ZBTB38: variants seen among roughly 807,000 people sequenced by gnomAD.
ZBTB38 encodes zinc finger and BTB domain-containing protein 38.
A neutral mutation model predicts 76.8 loss-of-function variants in ZBTB38; 20 were observed. That is an observed-to-expected ratio of 0.26 (90% CI 0.18 to 0.38). ZBTB38 has a LOEUF of 0.38. ZBTB38 is among the 10% of genes least tolerant of loss of function. ZBTB38 has a pLI of 1.00. For missense variants in ZBTB38, 1,082 were observed against 1,482.3 expected, an observed-to-expected ratio of 0.73 and a Z score of 4.43; for synonymous variants, 504 against 544.2, an observed-to-expected ratio of 0.93 and a Z score of 1.03.
intron 5 of ZBTB38, among the ~76,000 whole-genome samples, chr3:141,417,832 T>C (rs1193252821): frequency 6.6e-6 from 1 of 151,958 alleles, no homozygotes; most frequent in Non-Finnish European, 1.5e-5. Context: ...CTGACCAACC[T>C]GGTGAAACCC....
chr3:141,384,838 T>G (rs1469618751), intron 3 of ZBTB38: 2 of 152,216 alleles, frequency 1.3e-5, no homozygotes, highest in East Asian at 1.9e-4. Context: ...GGGAGAGAGA[T>G]GTACTCCAAA....
chr3:141,409,806 C>T (rs1956030219), intron 5 of ZBTB38, among the ~76,000 whole-genome samples: 1 of 152,182 alleles, frequency 6.6e-6, no homozygotes, highest in Non-Finnish European at 1.5e-5. Context: ...GAGCCTATAC[C>T]AGTTGAAAGT....
At chr3:141,431,849 C>G (rs1162684589) in intron 5 of ZBTB38, 1 of 152,894 alleles carries the variant, frequency 6.5e-6, no homozygotes, top group African/African-American at 2.4e-5. Flanking sequence ...CTTCTTGAAT[C>G]TGATAGCTTA....
At chr3:141,348,052 G>T (rs942642725) in intron 1 of ZBTB38, among the ~76,000 whole-genome samples, 2 of 152,138 alleles carry the variant, frequency 1.3e-5, no homozygotes, top group African/African-American at 2.4e-5. Flanking sequence ...TACAGTTGTG[G>T]TTGCCAATCT....
chr3:141,394,017 CTTT>C (rs34207738), intron 4 of ZBTB38, among the ~76,000 whole-genome samples: 6,538 of 143,436 alleles, frequency 0.046, 281 homozygotes, highest in East Asian at 0.16. Flanking sequence ...TCTTTTCTTT[CTTT>C]TTTTTTTTTG....
At chr3:141,369,239 G>A (rs1357088847) in intron 1 of ZBTB38, among the ~76,000 whole-genome samples, 1 of 152,130 alleles carries the variant, frequency 6.6e-6, no homozygotes, top group Admixed American at 6.5e-5. Flanking sequence ...CCATCAAATG[G>A]TATTTTCACA....
intron 2 of ZBTB38, among the ~76,000 whole-genome samples, chr3:141,370,897 C>T (rs755857864): frequency 6.6e-6 from 1 of 152,120 alleles, no homozygotes; most frequent in Non-Finnish European, 1.5e-5. Flanking sequence ...TTCCTTAGCT[C>T]GTAGTTTTCT....
At chr3:141,368,362 G>C (rs1201891814), upstream of ZBTB38, 1 of 152,338 alleles carries the variant, frequency 6.6e-6, no homozygotes, top group African/African-American at 2.4e-5. Context: ...TGTGCTGAGA[G>C]GAGGGCCTCT....
rs1306809285 is a variant in ZBTB38 at position 141,413,323 on chromosome 3, A to C, written c.-1+9292A>C. Among the ~76,000 whole-genome samples, 1 of 152,102 alleles carries C rather than the reference A, an allele frequency of 6.6e-6. No individual in the cohort carries two copies. The highest frequency in any genetic ancestry group is 1.5e-5 in the Non-Finnish European group (1 of 68,000). On this transcript the variant is annotated intron_variant, in intron 5 of 5. Coordinates refer to ENST00000321464, the MANE Select transcript of ZBTB38 (RefSeq NM_001376113.1). This position sits in a 1 kb window ranked among gnomAD's most constrained non-coding sequence, Gnocchi z 4.1. ...CCCAGACGGTCAGAATGCTCCCCAGACTGAGGAATCAGCTGCACATCCCCC... is the reference window on the plus strand; with the variant it reads ...CCCAGACGGTCAGAATGCTCCCCAGCCTGAGGAATCAGCTGCACATCCCCC...
chr3:141,351,440 C>G (rs996470284), intron 1 of ZBTB38, among the ~76,000 whole-genome samples: 77 of 152,090 alleles, frequency 5.1e-4, no homozygotes, highest in African/African-American at 1.7e-3. Context: ...AAACATATAT[C>G]AGACCAGGCA....
At chr3:141,367,240 G>A (rs1944002912), upstream of ZBTB38, 2 of 152,388 alleles carry the variant, frequency 1.3e-5, no homozygotes, top group Admixed American at 1.3e-4. Flanking sequence ...ACAAAGACAA[G>A]CGTGGACTCT....
At chr3:141,345,090 G>A (rs527729563) in intron 1 of ZBTB38, among the ~76,000 whole-genome samples, 3 of 152,190 alleles carry the variant, frequency 2.0e-5, no homozygotes, top group Non-Finnish European at 4.4e-5. Flanking sequence ...ATATTGCTAA[G>A]AGTCATCAAC....
chr3:141,357,670 C>T (rs1271723144), intron 1 of ZBTB38, among the ~76,000 whole-genome samples: 1 of 152,132 alleles, frequency 6.6e-6, no homozygotes, highest in African/African-American at 2.4e-5. Context: ...GCTGGGACTA[C>T]AGGCACCCGC....
At chr3:141,370,965 T>C (rs1944467240) in intron 2 of ZBTB38, among the ~76,000 whole-genome samples, 2 of 152,094 alleles carry the variant, frequency 1.3e-5, no homozygotes, top group Non-Finnish European at 2.9e-5. Flanking sequence ...TCTTGGGACA[T>C]TTGATCAGGG....
intron 1 of ZBTB38, among the ~76,000 whole-genome samples, chr3:141,360,734 G>A (rs1250251015): frequency 6.6e-6 from 1 of 151,962 alleles, no homozygotes; most frequent in East Asian, 1.9e-4. Flanking sequence ...GTTGTGTTGG[G>A]GTCGGGGGGC....
chr3:141,443,929 G>C lies in ZBTB38; in HGVS notation c.1541G>C (p.Arg514Thr). 2 of 1,614,180 alleles carry C rather than the reference G, an allele frequency of 1.2e-6. No individual in the cohort carries two copies. Among genetic ancestry groups the C allele is most frequent in the Non-Finnish European group, 8.5e-7 (1 of 1,180,036 alleles). ...TRHEIWHTGERRYQCIFCLET... is the reference protein window; with the variant it reads ...TRHEIWHTGETRYQCIFCLET... ...CATGAAATTTGGCATACGGGAGAAA[G>C]ACGATATCAGTGCATTTTCTGTCTT... is the stretch of plus-strand genomic sequence containing the variant. The change falls in exon 6 of 6, where the codon AGA becomes ACA. Residue 514 changes from arginine (R) to threonine (T), a missense_variant. By Grantham distance (71) the Arg-to-Thr change is moderately conservative (BLOSUM62 -1). Around this residue, in one of 8 missense-constraint regions of ZBTB38, gnomAD observed 60 missense variants for 126.0 expected, o/e 0.48. Transcript: ENST00000321464. The surrounding 1 kb of genome is among the most constrained non-coding windows in gnomAD (Gnocchi z 5.6).
intron 5 of ZBTB38, among the ~76,000 whole-genome samples, chr3:141,417,352 T>C (rs1004072827): frequency 2.0e-5 from 3 of 152,182 alleles, no homozygotes; most frequent in African/African-American, 2.4e-5. Flanking sequence ...GCCACCTGCA[T>C]TTTCCTCAGG....
chr3:141,378,185 CAA>C (rs10662147), intron 2 of ZBTB38, among the ~76,000 whole-genome samples: 2 of 135,676 alleles, frequency 1.5e-5, no homozygotes, highest in Non-Finnish European at 1.6e-5. Flanking sequence ...TCTCAACAAG[CAA>C]AAAAAAAAAA....
intron 1 of ZBTB38, among the ~76,000 whole-genome samples, chr3:141,345,443 G>A (rs1943323111): frequency 6.6e-6 from 1 of 152,138 alleles, no homozygotes; most frequent in African/African-American, 2.4e-5. Context: ...ATACATGGGG[G>A]CATGAAGAAA....
Sources: gnomAD v4.1 joint callset for allele counts (sites outside exome capture counted in the v4.1 genomes callset) on GRCh38, gnomAD v4.1.1 for gene constraint, gnomAD v4.1.1 regional missense constraint, Gnocchi (gnomAD v3.1) non-coding constraint, MANE v1.5 for transcripts, NCBI Gene and HGNC (gene_info 2026-07-23, HGNC 2026-07-21) for gene names.